The following ZMYND8 variants were observed in gnomAD, a reference collection of about 807,000 sequenced individuals.
The protein encoded by ZMYND8 is zinc finger MYND-type containing 8.
ZMYND8 carries 37 observed loss-of-function variants against 140.8 expected under a neutral mutation model. The observed-to-expected ratio is 0.26, with a 90% CI of 0.20 to 0.35. The LOEUF (loss-of-function observed/expected upper bound fraction) is 0.35. Among genes scored for constraint, ZMYND8 ranks in the 10% least tolerant of loss-of-function variants. The probability of loss-of-function intolerance (pLI) is 1.00; values close to 1 mark genes in which losing one functional copy is unlikely to be tolerated. For synonymous variants in ZMYND8, 592 were observed against 597.1 expected, an observed-to-expected ratio of 0.99 and a Z score of 0.12; for missense variants, 1,068 against 1,570.0, an observed-to-expected ratio of 0.68 and a Z score of 5.40.
chr20:47,345,999 G>A (rs975502255), intron 2 of ZMYND8, among the ~76,000 whole-genome samples: 6 of 152,180 alleles, frequency 3.9e-5, no homozygotes, highest in African/African-American at 1.2e-4. Context: ...GCTGAAGGGT[G>A]AGGATGGGAG....
At chr20:47,250,405 C>T (rs926607179) in intron 12 of ZMYND8, among the ~76,000 whole-genome samples, 1 of 152,152 alleles carries the variant, frequency 6.6e-6, no homozygotes, top group African/African-American at 2.4e-5. Flanking sequence ...CCACCCAAAG[C>T]GAGTGTGAGG....
intron 12 of ZMYND8, among the ~76,000 whole-genome samples, chr20:47,252,714 T>C (rs1266693145): frequency 6.6e-6 from 1 of 152,044 alleles, no homozygotes; most frequent in Non-Finnish European, 1.5e-5. Flanking sequence ...TGAGCTCACA[T>C]TTGAGACCAG....
At chr20:47,255,730 A>G (rs1403699482) in intron 12 of ZMYND8, among the ~76,000 whole-genome samples, 731 of 26,896 alleles carry the variant, frequency 0.027, 23 homozygotes, top group African/African-American at 0.063. Context: ...GTGTATATAT[A>G]TATATATATA....
chr20:47,345,419 G>A (rs1180890326), intron 2 of ZMYND8, among the ~76,000 whole-genome samples: 2 of 151,906 alleles, frequency 1.3e-5, no homozygotes, highest in African/African-American at 2.4e-5. Context: ...GGCCCAGGTA[G>A]GCAGGTCACG....
At chr20:47,279,102 G>A (rs2076438289) in intron 10 of ZMYND8, among the ~76,000 whole-genome samples, 2 of 152,090 alleles carry the variant, frequency 1.3e-5, no homozygotes, top group Admixed American at 6.6e-5. Flanking sequence ...TATCTAAGGC[G>A]CTCACTGTTC....
At chr20:47,299,024 A>G (rs2077823753) in intron 3 of ZMYND8, 77 bp from the exon 4 acceptor site, 1 of 1,359,296 alleles carries the variant, frequency 7.4e-7, no homozygotes, top group African/African-American at 1.4e-5. Context: ...CAAGTACATC[A>G]ATAACAACAA....
intron 19 of ZMYND8, among the ~76,000 whole-genome samples, chr20:47,221,682 G>A (rs2036977260): frequency 6.6e-6 from 1 of 152,172 alleles, no homozygotes; most frequent in Admixed American, 6.5e-5. Flanking sequence ...ACATAAACAT[G>A]CTGAGATGGA....
intron 2 of ZMYND8, among the ~76,000 whole-genome samples, chr20:47,321,333 G>A (rs1168250640): frequency 6.6e-6 from 1 of 152,202 alleles, no homozygotes; most frequent in Non-Finnish European, 1.5e-5. Context: ...ACACCCAGGG[G>A]ACATCTGGCA....
At chr20:47,229,925 C>T (rs1229361935) in intron 16 of ZMYND8, 119 bp from the exon 17 acceptor site, 3 of 804,632 alleles carry the variant, frequency 3.7e-6, no homozygotes, top group Non-Finnish European at 3.8e-6. Context: ...AATTTTGTCC[C>T]GCATGAGACA....
intron 7 of ZMYND8, 88 bp from the exon 8 acceptor site, chr20:47,287,372 C>T (rs1601610589): frequency 1.8e-6 from 2 of 1,135,124 alleles, no homozygotes; most frequent in Non-Finnish European, 2.7e-6. Flanking sequence ...AATGTGTTTA[C>T]TTGCTTTTCC....
rs536150584 is a variant in ZMYND8, at chr20:47,243,741, G to C, written c.2284+2267C>G. On this transcript the variant is annotated intron_variant, in intron 14 of 22. Coordinates refer to ENST00000471951, the MANE Select transcript of ZMYND8 (RefSeq NM_001281775.3). ...CAAATTCTTTCTGGAAGAGGTAGGG[G>C]CACAAAACCAATCAATCAAAAGATC... Among the ~76,000 whole-genome samples, 4 of 152,252 alleles carry C rather than the reference G, an allele frequency of 2.6e-5. No homozygotes were observed. In the East Asian group the frequency reaches 7.7e-4, roughly 29 times the overall value.
chr20:47,283,886 A>G (rs1168786285), intron 8 of ZMYND8, among the ~76,000 whole-genome samples: 2 of 147,502 alleles, frequency 1.4e-5, no homozygotes, highest in African/African-American at 5.0e-5. Flanking sequence ...TTCCACTTTT[A>G]CCCCCATTAT....
intron 2 of ZMYND8, among the ~76,000 whole-genome samples, chr20:47,342,660 A>G (rs1304849671): frequency 1.3e-5 from 2 of 151,776 alleles, no homozygotes; most frequent in Non-Finnish European, 2.9e-5. Context: ...AGCCTGGCCA[A>G]CATGGTGAAA....
intron 2 of ZMYND8, among the ~76,000 whole-genome samples, chr20:47,324,094 C>T (rs936055625): frequency 3.3e-5 from 5 of 149,284 alleles, no homozygotes; most frequent in African/African-American, 1.0e-4. Flanking sequence ...CCCAGCTGCT[C>T]GGGGGGCTAA....
chr20:47,355,819 T>C (rs554937161), intron 1 of ZMYND8, among the ~76,000 whole-genome samples: 12 of 149,246 alleles, frequency 8.0e-5, no homozygotes, highest in Admixed American at 3.4e-4. Flanking sequence ...TTGCAGGATG[T>C]TGTCCAAGAT....
rs191170828 is a variant in ZMYND8 at position 47,230,395 on chromosome 20, A to T, written c.2857-589T>A. On this transcript the variant is annotated intron_variant, in intron 16 of 22. Transcript: ENST00000471951. ...CTACCTCCGCCTCCAGGTTCAGGCG[A>T]TTCTCCTGCCTCAGCCTCCCAAGTA... Among the ~76,000 whole-genome samples the T allele has an allele frequency of 7.3e-5, 11 of 151,518 alleles. No homozygotes were observed. The East Asian group carries it at 2.1e-3, about 29-fold the overall frequency.
chr20:47,238,622 T>C (rs769173828), intron 15 of ZMYND8, 136 bp downstream of exon 15: 3 of 1,439,342 alleles, frequency 2.1e-6, no homozygotes, highest in Non-Finnish European at 1.9e-6. Context: ...AAATGGAATG[T>C]GCAAGGCCTT....
At chr20:47,325,669 T>G (rs1388239925) in intron 2 of ZMYND8, among the ~76,000 whole-genome samples, 2 of 152,208 alleles carry the variant, frequency 1.3e-5, no homozygotes, top group African/African-American at 4.8e-5. Flanking sequence ...ATTTATAACT[T>G]GAATGGGATG....
intron 2 of ZMYND8, among the ~76,000 whole-genome samples, chr20:47,343,096 C>T (rs1375389519): frequency 6.6e-6 from 1 of 152,120 alleles, no homozygotes; most frequent in Non-Finnish European, 1.5e-5. Context: ...GCCTGGGCAA[C>T]ACAGCGAGAC....
Sources: allele counts gnomAD v4.1 joint callset (sites outside exome capture counted in the v4.1 genomes callset), GRCh38; gene constraint gnomAD v4.1.1; transcripts MANE v1.5; gene names NCBI Gene and HGNC (gene_info 2026-07-23, HGNC 2026-07-21).